ZNF71: variants seen among roughly 807,000 people sequenced by gnomAD.
The protein encoded by ZNF71 is zinc finger protein 71, also known as endothelial zinc finger protein induced by tumor necrosis factor alpha.
A neutral mutation model predicts 6.7 loss-of-function variants in ZNF71; 3 were observed. The observed-to-expected ratio is 0.45, with a 90% CI of 0.20 to 1.16. The LOEUF is 1.16. Among genes scored for constraint, ZNF71 ranks in the 50% most tolerant of loss-of-function variants. The pLI, the probability that ZNF71 is intolerant of heterozygous loss-of-function variation, is 0.25. For synonymous variants in ZNF71, 343 were observed against 311.1 expected, an observed-to-expected ratio of 1.10 and a Z score of -1.08; for missense variants, 688 against 728.6, an observed-to-expected ratio of 0.94 and a Z score of 0.64.
intron 2 of ZNF71, among the ~76,000 whole-genome samples, chr19:56,605,941 G>A (rs924083067): frequency 1.3e-5 from 2 of 152,202 alleles, no homozygotes; most frequent in African/African-American, 4.8e-5. Flanking sequence ...GGGGCTGAGA[G>A]TTGAACTGAC....
chr19:56,616,674 C>G (rs2044793971), intron 3 of ZNF71, among the ~76,000 whole-genome samples: 1 of 152,156 alleles, frequency 6.6e-6, no homozygotes, highest in Non-Finnish European at 1.5e-5. Flanking sequence ...GGAGGGAGTT[C>G]CTTGCAGGTC....
intron 1 of ZNF71, among the ~76,000 whole-genome samples, chr19:56,600,975 G>A (rs1380500767): frequency 6.6e-6 from 1 of 152,182 alleles, no homozygotes; most frequent in Non-Finnish European, 1.5e-5. Context: ...GGCCACAGGT[G>A]GTTCTGGGGC....
chr19:56,609,884 A>G (rs1356978372), intron 2 of ZNF71: 1 of 151,152 alleles, frequency 6.6e-6, no homozygotes, highest in Non-Finnish European at 1.5e-5. Flanking sequence ...GATTTTGCCT[A>G]TTCCGGACAT....
chr19:56,613,483 G>A lies in ZNF71; in HGVS notation c.34-329G>A, dbSNP rs927968528. Among the ~76,000 whole-genome samples, 2 of 152,196 alleles carry A rather than the reference G, an allele frequency of 1.3e-5. No homozygotes were observed. Among genetic ancestry groups the A allele is most frequent in the Non-Finnish European group, 2.9e-5 (2 of 68,032 alleles). On this transcript the variant is annotated intron_variant, in intron 2 of 3. Transcript: ENST00000599599. This position sits in a 1 kb window ranked among gnomAD's most constrained non-coding sequence, Gnocchi z 4.6. ...GCTGTGCCCCTGGATTCCATCTGGG[G>A]CTCTGCCTCTGCTGTGCTCCTAATG...
chr19:56,614,041 G>A (rs2044771937), intron 3 of ZNF71, 103 bp downstream of exon 3: 3 of 980,462 alleles, frequency 3.1e-6, no homozygotes, highest in African/African-American at 1.8e-5. Flanking sequence ...TACATGGAAA[G>A]TTTTAAAATT....
At chr19:56,597,054 G>GT (rs921938965) in intron 1 of ZNF71, among the ~76,000 whole-genome samples, 1 of 152,022 alleles carries the variant, frequency 6.6e-6, no homozygotes, top group African/African-American at 2.4e-5. Context: ...TTGCTCCATT[G>GT]TTTTTTTAAA....
intron 2 of ZNF71, among the ~76,000 whole-genome samples, chr19:56,611,383 G>T (rs1013915306): frequency 2.0e-5 from 3 of 152,194 alleles, no homozygotes; most frequent in Non-Finnish European, 4.4e-5. Context: ...TTCAAAGCCT[G>T]GCTGTCCCAC....
intron 1 of ZNF71, among the ~76,000 whole-genome samples, chr19:56,597,220 G>C (rs1336255458): frequency 1.3e-5 from 2 of 152,136 alleles, no homozygotes; most frequent in African/African-American, 4.8e-5. Context: ...CTGGGTAAGT[G>C]GGCTCTGGTC....
intron 2 of ZNF71, among the ~76,000 whole-genome samples, chr19:56,606,633 T>TGA (rs1432921164): frequency 6.6e-6 from 1 of 152,114 alleles, no homozygotes; most frequent in Non-Finnish European, 1.5e-5. Context: ...GTCTGTCTCT[T>TGA]GCTGTGGTAT....
At position 56,622,358 on chromosome 19, in the gene ZNF71, C is replaced by G; in HGVS notation, c.1251C>G (p.Ser417Arg). 6.2e-7 allele frequency: 1 copy of G among 1,611,096 alleles called. No individual in the cohort carries two copies. Among genetic ancestry groups the G allele is most frequent in the Non-Finnish European group, 8.5e-7 (1 of 1,178,984 alleles). The change falls in exon 4 of 4, where the codon AGC becomes AGG. Residue 417 changes from serine to arginine, a missense_variant. Physicochemically the swap from Ser to Arg is moderately radical, Grantham distance 110. Coordinates refer to ENST00000599599, the MANE Select transcript of ZNF71 (RefSeq NM_001370215.1). ...FHIGVKPFECSECGKAFSKNS... is the reference protein window; with the variant it reads ...FHIGVKPFECRECGKAFSKNS... ...TCGGCGTGAAGCCGTTCGAGTGCAGCGAGTGCGGCAAGGCCTTCAGCAAGA... is the reference window on the plus strand; with the variant it reads ...TCGGCGTGAAGCCGTTCGAGTGCAGGGAGTGCGGCAAGGCCTTCAGCAAGA...
At chr19:56,601,326 T>A (rs1225827276) in intron 1 of ZNF71, among the ~76,000 whole-genome samples, 181 bp from the exon 2 acceptor site, 1 of 151,988 alleles carries the variant, frequency 6.6e-6, no homozygotes, top group African/African-American at 2.4e-5. Context: ...TCAAGTGATA[T>A]ACATTCAAGT....
intron 2 of ZNF71, among the ~76,000 whole-genome samples, chr19:56,601,896 A>G (rs1406277110): frequency 6.6e-6 from 1 of 152,154 alleles, no homozygotes; most frequent in Non-Finnish European, 1.5e-5. Flanking sequence ...ACCATGCTGG[A>G]TGTGTGACCT....
At chr19:56,615,225 A>C (rs891131529) in intron 3 of ZNF71, among the ~76,000 whole-genome samples, 1 of 152,160 alleles carries the variant, frequency 6.6e-6, no homozygotes, top group Non-Finnish European at 1.5e-5. Context: ...TTGTGTAGAC[A>C]TTTGCTTTTC....
intron 3 of ZNF71, among the ~76,000 whole-genome samples, chr19:56,616,227 A>G (rs1002209257): frequency 1.3e-5 from 2 of 152,210 alleles, no homozygotes; most frequent in Non-Finnish European, 2.9e-5. Context: ...GTATTAATCC[A>G]AGTTTATTGG....
chr19:56,610,480 T>G (rs1337746978), intron 2 of ZNF71: 1 of 152,220 alleles, frequency 6.6e-6, no homozygotes, highest in Non-Finnish European at 1.5e-5. Context: ...CTGTGTGTAT[T>G]CCACTGTGGT....
intron 2 of ZNF71, among the ~76,000 whole-genome samples, chr19:56,607,820 A>C (rs973099484): frequency 6.6e-6 from 1 of 152,210 alleles, no homozygotes; most frequent in Non-Finnish European, 1.5e-5. Flanking sequence ...GAGGGTCAGG[A>C]ATGGGGCAGT....
chr19:56,622,518 G>A lies in ZNF71; in HGVS notation c.1411G>A (p.Val471Met), dbSNP rs1165749950. Residue 471 changes from valine to methionine, a missense_variant, in exon 4 of 4, where the codon GTG becomes ATG. Transcript: ENST00000599599. ...CGTGCACACCGGGGAGAAGCCCTAC[G>A]TGTGCGGCGAGTGCGGCAAGGCCTT... ...QIVHTGEKPY[V>M]CGECGKAFSQ... 1.2e-6 allele frequency: 2 copies of A among 1,609,742 alleles called. No individual in the cohort carries two copies. Among genetic ancestry groups the A allele is most frequent in the Non-Finnish European group, 1.7e-6 (2 of 1,177,010 alleles).
chr19:56,614,572 G>C (rs769264428), intron 3 of ZNF71, among the ~76,000 whole-genome samples: 1 of 152,198 alleles, frequency 6.6e-6, no homozygotes, highest in Non-Finnish European at 1.5e-5. Flanking sequence ...ACGTATCAAG[G>C]CCTATCGATA....
chr19:56,611,418 G>A (rs1396799934), intron 2 of ZNF71, among the ~76,000 whole-genome samples: 1 of 152,156 alleles, frequency 6.6e-6, no homozygotes, highest in African/African-American at 2.4e-5. Context: ...CTTTGGTCCA[G>A]GAACCTACCC....
Sources: allele counts gnomAD v4.1 joint callset (sites outside exome capture counted in the v4.1 genomes callset), GRCh38; gene constraint gnomAD v4.1.1; non-coding constraint Gnocchi (gnomAD v3.1); transcripts MANE v1.5; gene names NCBI Gene and HGNC (gene_info 2026-07-23, HGNC 2026-07-21).